Variants in KIF15 observed in about 807,000 individuals in gnomAD.
KIF15 encodes the protein kinesin family member 15.
A neutral mutation model predicts 190.6 loss-of-function variants in KIF15; 140 were observed. The ratio of observed to expected loss-of-function variants is 0.73; its 90% CI spans 0.64 to 0.84. KIF15 has a LOEUF of 0.84. Among genes scored for constraint, KIF15 ranks in the 40% least tolerant of loss-of-function variants. The pLI, the probability that KIF15 is intolerant of heterozygous loss-of-function variation, is 0.00. For missense variants in KIF15, 1,372 were observed against 1,584.4 expected (o/e 0.87, Z 2.28); for synonymous variants, 528 against 551.3 (o/e 0.96, Z 0.59).
At chr3:44,856,043 G>A (rs1037895655), downstream of KIF15, among the ~76,000 whole-genome samples, 4 of 152,140 alleles carry the variant, frequency 2.6e-5, no homozygotes, top group Non-Finnish European at 5.9e-5. Context: ...AAGAGCCTGA[G>A]AAACTGCTTG....
chr3:44,768,204 G>T (rs1311357456), intron 1 of KIF15, among the ~76,000 whole-genome samples: 1 of 151,746 alleles, frequency 6.6e-6, no homozygotes, highest in Non-Finnish European at 1.5e-5. Flanking sequence ...AATCTGGGAG[G>T]TGGAGGTTGC....
chr3:44,845,058 G>A (rs1046557667), intron 30 of KIF15, among the ~76,000 whole-genome samples: 1 of 152,222 alleles, frequency 6.6e-6, no homozygotes, highest in Non-Finnish European at 1.5e-5. Flanking sequence ...TCATGACTGA[G>A]TGAGGCAATG....
Position 44,830,938 on chromosome 3 carries a change from G to GT in KIF15, c.3092dup (p.Leu1032ValfsTer17), listed in dbSNP as rs1268002430. On this transcript the variant is annotated frameshift_variant, in exon 26 of 35. Transcript: ENST00000326047. LOFTEE classifies it high-confidence loss of function. ...TTTGGTTGACAGAGAAGAGAGCAGA[G>GT]TGTTGATCAAGAAGCAGGAAGTGGA... 5 of 1,614,096 alleles carry GT rather than the reference G, an allele frequency of 3.1e-6. No individual in the cohort carries two copies. The highest frequency in any genetic ancestry group is 4.2e-6 in the Non-Finnish European group (5 of 1,179,994).
At chr3:44,865,300 GA>G in intron 6 of KIF15, 1 of 1,363,600 alleles carries the variant, frequency 7.3e-7, no homozygotes, top group South Asian at 1.3e-5. Flanking sequence ...TCAGCCAAGG[GA>G]AGCAGGCCTC....
Position 44,797,534 on chromosome 3 carries a change from T to G in KIF15, c.850-17T>G, listed in dbSNP as rs1707046757. ...CCAACGTACCTAAATTTTTGTTCTT[T>G]TCCGTCAACACTTTAGGAAGCAGGT... On this transcript the variant is annotated splice_polypyrimidine_tract_variant and intron_variant, in intron 8 of 34. Coordinates refer to ENST00000326047, the MANE Select transcript of KIF15 (RefSeq NM_020242.3). 1 of 1,609,978 alleles carries G rather than the reference T, an allele frequency of 6.2e-7. No homozygotes were observed. Among genetic ancestry groups the G allele is most frequent in the Non-Finnish European group, 8.5e-7 (1 of 1,178,114 alleles).
At chr3:44,861,772 C>A in intron 6 of KIF15, 1 of 851,992 alleles carries the variant, frequency 1.2e-6, no homozygotes, top group Non-Finnish European at 1.8e-6. Context: ...TGCCACCTGG[C>A]CCGCCCCCTC....
intron 20 of KIF15, among the ~76,000 whole-genome samples, chr3:44,821,195 A>T (rs1200613300): frequency 8.2e-6 from 1 of 121,848 alleles, no homozygotes; most frequent in African/African-American, 3.2e-5. Flanking sequence ...ACTTCCCAGT[A>T]GGGGCGGCTG....
intron 6 of KIF15, chr3:44,863,050 G>T (rs1487689536): frequency 6.6e-6 from 1 of 151,880 alleles, no homozygotes; most frequent in Non-Finnish European, 1.5e-5. Flanking sequence ...TCCAACTCGC[G>T]GCCCAACGCA....
chr3:44,852,115 T>G, intron 33 of KIF15, 93 bp from the exon 34 acceptor site: 1 of 1,487,250 alleles, frequency 6.7e-7, no homozygotes, highest in Non-Finnish European at 9.1e-7. Context: ...CTCTCTGACT[T>G]CCTGTGCTCC....
intron 26 of KIF15, among the ~76,000 whole-genome samples, chr3:44,838,001 G>T (rs778303381): frequency 6.6e-6 from 1 of 152,182 alleles, no homozygotes; most frequent in East Asian, 1.9e-4. Flanking sequence ...GATCCTGGGG[G>T]TGAGGAGAGA....
chr3:44,800,198 G>T, intron 10 of KIF15, 116 bp from the exon 11 acceptor site: 1 of 875,002 alleles, frequency 1.1e-6, no homozygotes. Flanking sequence ...ACTATGATGT[G>T]GTCTTGAAGT....
At chr3:44,823,105 T>C (rs1282363120) in intron 20 of KIF15, among the ~76,000 whole-genome samples, 1 of 152,230 alleles carries the variant, frequency 6.6e-6, no homozygotes, top group Admixed American at 6.5e-5. Flanking sequence ...TTTAGAATTT[T>C]CAGCTTTTCT....
chr3:44,782,006 C>G (rs534305056), intron 5 of KIF15, among the ~76,000 whole-genome samples: 9 of 151,772 alleles, frequency 5.9e-5, no homozygotes, highest in African/African-American at 2.2e-4. Context: ...TTTTTCTATG[C>G]TAAAGTTTTA....
intron 6 of KIF15, chr3:44,861,863 C>T: frequency 1.4e-6 from 2 of 1,471,174 alleles, no homozygotes; most frequent in East Asian, 2.9e-5. Flanking sequence ...GGCTGCCATC[C>T]AATCGCGGCG....
chr3:44,821,390 G>A (rs568571432), intron 20 of KIF15, among the ~76,000 whole-genome samples: 2 of 135,034 alleles, frequency 1.5e-5, no homozygotes, highest in Non-Finnish European at 3.3e-5. Context: ...GGGCGGAGGG[G>A]CTCCTCACTT....
At chr3:44,786,280 A>C (rs1408364572) in intron 6 of KIF15, 115 bp from the exon 7 acceptor site, 1 of 771,100 alleles carries the variant, frequency 1.3e-6, no homozygotes, top group Non-Finnish European at 2.0e-6. Context: ...ATTGTATTAA[A>C]GGATAATAGC....
intron 27 of KIF15, among the ~76,000 whole-genome samples, chr3:44,839,890 G>GTA (rs1002620014): frequency 1.5e-4 from 23 of 152,132 alleles, no homozygotes; most frequent in African/African-American, 5.1e-4. Context: ...ATTTCATTGT[G>GTA]TATATATATA....
chr3:44,865,429 G>A, intron 6 of KIF15: 1 of 486,310 alleles, frequency 2.1e-6, no homozygotes, highest in Non-Finnish European at 3.7e-6. Flanking sequence ...ACCCCAGTGA[G>A]CCTTCGCAGA....
chr3:44,849,174 A>G (rs374843032), intron 32 of KIF15, among the ~76,000 whole-genome samples: 28 of 152,274 alleles, frequency 1.8e-4, no homozygotes, highest in African/African-American at 6.7e-4. Context: ...ATCTTCAAAC[A>G]TTTTTGCTTA....
Sources: gnomAD v4.1 joint callset for allele counts (sites outside exome capture counted in the v4.1 genomes callset) on GRCh38, gnomAD v4.1.1 for gene constraint, MANE v1.5 for transcripts, NCBI Gene and HGNC (gene_info 2026-07-23, HGNC 2026-07-21) for gene names.